EML4: variants seen among roughly 807,000 people sequenced by gnomAD.
EML4 encodes the protein EMAP like 4, also known as echinoderm microtubule-associated protein-like 4.
EML4 carries 72 observed loss-of-function variants against 129.0 expected under a neutral mutation model. The observed-to-expected ratio is 0.56, with a 90% CI of 0.46 to 0.68. EML4 has a LOEUF of 0.68. EML4 is among the 30% of genes least tolerant of loss of function. The pLI is 0.00. For missense variants in EML4, 1,363 were observed against 1,190.6 expected, an observed-to-expected ratio of 1.14 and a Z score of -2.13; for synonymous variants, 532 against 405.0, an observed-to-expected ratio of 1.31 and a Z score of -3.77.
chr2:42,299,355 GA>G (rs1420407560), intron 13 of EML4, among the ~76,000 whole-genome samples: 1 of 152,136 alleles, frequency 6.6e-6, no homozygotes, highest in Non-Finnish European at 1.5e-5. Flanking sequence ...GAGTAAAAAA[GA>G]ACAATCTCAG....
In EML4 at chr2:42,169,562, A is replaced by G; in HGVS notation, c.-50A>G. 1 of 1,585,034 alleles carries G rather than the reference A, an allele frequency of 6.3e-7. No individual in the cohort carries two copies. Among genetic ancestry groups the G allele is most frequent in the East Asian group, 2.3e-5 (1 of 42,874 alleles). ...CGTCGGCCACTCTGTCGGTCCGCTG[A>G]ATGAAGTGCCCGCCCCTCTAAGCCC... On this transcript the variant is annotated 5_prime_UTR_variant, in exon 1 of 23. Coordinates refer to ENST00000318522, the MANE Select transcript of EML4 (RefSeq NM_019063.5).
At chr2:42,204,283 T>C (rs962729328) in intron 1 of EML4, among the ~76,000 whole-genome samples, 2 of 152,166 alleles carry the variant, frequency 1.3e-5, no homozygotes, top group African/African-American at 4.8e-5. Context: ...TTCGACAAGC[T>C]ATATAAGCAG....
chr2:42,200,153 C>CAAAAAAAAAAAAAAAAAAAAA (rs11421705), intron 1 of EML4, among the ~76,000 whole-genome samples: 1 of 84,468 alleles, frequency 1.2e-5, no homozygotes, highest in African/African-American at 4.1e-5. Flanking sequence ...ACTAAAAATA[C>CAAAAAAAAAAAAAAAAAAAAA]AAAAAAAAAA....
At chr2:42,223,225 T>A (rs1304302242) in intron 1 of EML4, among the ~76,000 whole-genome samples, 2 of 152,136 alleles carry the variant, frequency 1.3e-5, no homozygotes, top group African/African-American at 4.8e-5. Context: ...CTACATACAT[T>A]GTTGTGTCAA....
chr2:42,259,150 G>C (rs1348216244), intron 3 of EML4, among the ~76,000 whole-genome samples: 2 of 152,044 alleles, frequency 1.3e-5, no homozygotes, highest in African/African-American at 4.8e-5. Context: ...GGGAAGCTGA[G>C]GTGGGAGAAT....
At chr2:42,264,496 C>A (rs909071844) in intron 5 of EML4, among the ~76,000 whole-genome samples, 1 of 152,088 alleles carries the variant, frequency 6.6e-6, no homozygotes. Context: ...TTTAGATGCT[C>A]TTGTGGGATA....
At chr2:42,195,856 A>G (rs552551132) in intron 1 of EML4, among the ~76,000 whole-genome samples, 1 of 152,178 alleles carries the variant, frequency 6.6e-6, no homozygotes, top group Non-Finnish European at 1.5e-5. Flanking sequence ...TATTGTACCA[A>G]GTGTTATTAA....
chr2:42,276,320 G>A (rs1232564979), intron 6 of EML4, among the ~76,000 whole-genome samples: 2 of 151,992 alleles, frequency 1.3e-5, no homozygotes, highest in Non-Finnish European at 2.9e-5. Flanking sequence ...GTACCACTAG[G>A]TCCACATTCT....
intron 11 of EML4, among the ~76,000 whole-genome samples, chr2:42,290,285 C>G (rs1271151112): frequency 6.6e-6 from 1 of 152,054 alleles, no homozygotes; most frequent in African/African-American, 2.4e-5. Context: ...TATAGATGAG[C>G]TCCATCCTTG....
intron 17 of EML4, among the ~76,000 whole-genome samples, chr2:42,309,460 T>G (rs965996075): frequency 3.3e-5 from 5 of 151,308 alleles, no homozygotes; most frequent in South Asian, 4.2e-4. Context: ...TTTTTTTTTT[T>G]GTTTAGGAAC....
At chr2:42,178,503 A>G (rs141718783) in intron 1 of EML4, among the ~76,000 whole-genome samples, 1 of 152,106 alleles carries the variant, frequency 6.6e-6, no homozygotes, top group African/African-American at 2.4e-5. Flanking sequence ...ATGATATGCC[A>G]CTGCACTCCA....
intron 1 of EML4, among the ~76,000 whole-genome samples, chr2:42,195,695 C>T (rs1346871821): frequency 6.6e-6 from 1 of 152,090 alleles, no homozygotes; most frequent in Non-Finnish European, 1.5e-5. Flanking sequence ...AGGATTTGTG[C>T]CAGCTTTTGG....
chr2:42,193,174 A>G (rs188076883), intron 1 of EML4, among the ~76,000 whole-genome samples: 1 of 152,314 alleles, frequency 6.6e-6, no homozygotes, highest in Non-Finnish European at 1.5e-5. Context: ...TGCCTACAGT[A>G]TTCAGTGCAG....
chr2:42,183,015 G>A (rs1671038051), intron 1 of EML4, among the ~76,000 whole-genome samples: 1 of 152,114 alleles, frequency 6.6e-6, no homozygotes, highest in Non-Finnish European at 1.5e-5. Flanking sequence ...AATTAGCCAG[G>A]CATGGTGGTG....
intron 20 of EML4, 48 bp downstream of exon 20, chr2:42,325,602 TTATATATATATATATATATATATATATA>T (rs10530482): frequency 4.0e-5 from 5 of 124,630 alleles, no homozygotes; most frequent in South Asian, 2.0e-4. Flanking sequence ...ATGATTATAT[TTATATATATATATATATATATATATATA>T]TATATATATG....
At chr2:42,204,177 C>T (rs1368787736) in intron 1 of EML4, among the ~76,000 whole-genome samples, 3 of 152,230 alleles carry the variant, frequency 2.0e-5, no homozygotes, top group Middle Eastern at 3.4e-3. Context: ...GCCTTGGCCT[C>T]CCAAAGTGCT....
chr2:42,263,511 TCTC>T (rs1450766230), intron 5 of EML4, among the ~76,000 whole-genome samples: 4 of 148,176 alleles, frequency 2.7e-5, no homozygotes, highest in African/African-American at 1.0e-4. Context: ...TTCAAGCAAT[TCTC>T]CTGCCTCGGC....
chr2:42,291,864 G>T (rs1045819405), intron 11 of EML4, among the ~76,000 whole-genome samples: 2 of 152,282 alleles, frequency 1.3e-5, no homozygotes, highest in Admixed American at 1.3e-4. Context: ...GGGTGTCCAG[G>T]TGATTAATAA....
chr2:42,281,649 T>C (rs1667017888), intron 7 of EML4, among the ~76,000 whole-genome samples: 2 of 152,188 alleles, frequency 1.3e-5, no homozygotes, highest in Non-Finnish European at 2.9e-5. Context: ...ACAGGGGCTG[T>C]TGTAGGAATT....
Sources: allele counts gnomAD v4.1 joint callset (sites outside exome capture counted in the v4.1 genomes callset), GRCh38; gene constraint gnomAD v4.1.1; transcripts MANE v1.5; gene names NCBI Gene and HGNC (gene_info 2026-07-23, HGNC 2026-07-21).